The following SYNE1 variants were observed in gnomAD, a reference collection of about 807,000 sequenced individuals.
SYNE1 encodes the protein spectrin repeat containing nuclear envelope protein 1.
In SYNE1, 616 loss-of-function variants were observed where a neutral mutation model predicts 1,111.0. The observed-to-expected ratio is 0.55, with a 90% CI of 0.52 to 0.59. The LOEUF is 0.59. Among genes scored for constraint, SYNE1 ranks in the 20% least tolerant of loss-of-function variants. The pLI is 0.00. For synonymous variants in SYNE1, 3,855 were observed against 3,825.8 expected (o/e 1.01, Z -0.28); for missense variants, 10,006 against 10,417.0 (o/e 0.96, Z 1.72).
chr6:152,398,058 C>T (rs1179100593), intron 49 of SYNE1, among the ~76,000 whole-genome samples: 3 of 151,964 alleles, frequency 2.0e-5, no homozygotes, highest in Admixed American at 6.6e-5. Context: ...GTGCTTTACT[C>T]GGATTAGCTG....
intron 3 of SYNE1, among the ~76,000 whole-genome samples, chr6:152,575,102 G>T (rs140471533): frequency 2.3e-3 from 345 of 152,278 alleles, no homozygotes; most frequent in African/African-American, 7.7e-3. Context: ...ACACATGATG[G>T]TGGTGGGTAC....
Position 152,236,913 on chromosome 6 carries a change from G to T in SYNE1, c.20103C>A (p.Leu6701=), listed in dbSNP as rs1235605116. 5 of 1,614,114 alleles carry T rather than the reference G, an allele frequency of 3.1e-6. No homozygotes were observed. Among genetic ancestry groups the T allele is most frequent in the Non-Finnish European group, 4.2e-6 (5 of 1,180,020 alleles). ...TTTCCACCACCTCCAGCTGTCTGCT[G>T]AGCTCCTGCTGGTCCTCATCCAGAT... ...WSHLDEDQQE[L]SRQLEVVESS... is the part of the protein sequence containing the mutation. The change falls in exon 109 of 146, where the codon CTC becomes CTA. Residue 6701 remains leucine, a synonymous_variant. Transcript: ENST00000367255.
At chr6:152,296,514 C>T (rs1205819750) in intron 93 of SYNE1, among the ~76,000 whole-genome samples, 1 of 152,220 alleles carries the variant, frequency 6.6e-6, no homozygotes, top group South Asian at 2.1e-4. Flanking sequence ...TCTCCTCCCC[C>T]TTAACATCCA....
At chr6:152,559,293 G>A (rs1335580963) in intron 3 of SYNE1, among the ~76,000 whole-genome samples, 1 of 151,712 alleles carries the variant, frequency 6.6e-6, no homozygotes, top group Non-Finnish European at 1.5e-5. Context: ...TAGAGACAGG[G>A]TCTCACTGTG....
At chr6:152,418,494 A>G (rs1004529915) in intron 40 of SYNE1, among the ~76,000 whole-genome samples, 2 of 152,228 alleles carry the variant, frequency 1.3e-5, no homozygotes, top group Admixed American at 1.3e-4. Context: ...AAATGTTGCT[A>G]TATGCGTACT....
rs1275904793 is a variant in SYNE1 at position 152,336,855 on chromosome 6, C to A, written c.12514G>T (p.Val4172Phe). ...TTAATTCCCACCTTAACTTGTGAAA[C>A]CATGTTCTGTGCAATGTTCAGCTCC... ...ELELNIAQNM[V>F]SQVKDFVKKL... The change falls in exon 76 of 146, where the codon GTT becomes TTT. Residue 4172 changes from valine (V) to phenylalanine (F), a missense_variant. Physicochemically the swap from Val to Phe is conservative, Grantham distance 50 (BLOSUM62 -1). Transcript: ENST00000367255. 5.0e-6 allele frequency: 8 copies of A among 1,613,518 alleles called. No homozygotes were observed. In the East Asian group the frequency reaches 1.6e-4, roughly 31 times the overall value.
intron 100 of SYNE1, among the ~76,000 whole-genome samples, chr6:152,265,362 C>T (rs926687086): frequency 1.3e-5 from 2 of 151,958 alleles, no homozygotes; most frequent in Admixed American, 1.3e-4. Flanking sequence ...TATATCTCAA[C>T]ATGCATATAT....
intron 14 of SYNE1, chr6:152,474,778 C>T (rs1259059640): frequency 1.3e-5 from 2 of 152,070 alleles, no homozygotes; most frequent in African/African-American, 2.4e-5. Context: ...TGTTAAATAT[C>T]TAAGGTCAAA....
At chr6:152,338,038 C>G (rs1450629510) in intron 75 of SYNE1, among the ~76,000 whole-genome samples, 1 of 151,790 alleles carries the variant, frequency 6.6e-6, no homozygotes, top group African/African-American at 2.4e-5. Flanking sequence ...GTCCCAGCTA[C>G]TCGGGAGGTT....
In SYNE1 at chr6:152,251,336, A is replaced by G. The variant is rs2089180517; in HGVS notation, c.19471-2074T>C. On this transcript the variant is annotated intron_variant, in intron 104 of 145. Transcript: ENST00000367255. ...GAAACACAGAGTTCATATTTCTGGAAGTCAGACTGATTATTGGGAGAGACT... is the reference window on the plus strand; with the variant it reads ...GAAACACAGAGTTCATATTTCTGGAGGTCAGACTGATTATTGGGAGAGACT... Among the ~76,000 whole-genome samples the G allele has an allele frequency of 2.6e-5, 4 of 152,354 alleles. No individual in the cohort carries two copies. In the South Asian group the frequency reaches 8.3e-4, roughly 32 times the overall value.
Position 152,310,778 on chromosome 6 carries a change from C to A in SYNE1, c.16806G>T (p.Met5602Ile). 3 of 1,614,056 alleles carry A rather than the reference C, an allele frequency of 1.9e-6. No homozygotes were observed. Among genetic ancestry groups the A allele is most frequent in the Non-Finnish European group, 2.5e-6 (3 of 1,180,022 alleles). Residue 5602 changes from methionine (M) to isoleucine (I), a missense_variant, in exon 88 of 146, where the codon ATG (methionine) becomes ATT (isoleucine). By Grantham distance (10) the Met-to-Ile change is conservative. Transcript: ENST00000367255. ...GTCCCAGTTCTGCCACTTGCTGAGA[C>A]ATTTTTTCTGTACAGTACACGCTAG... ...YLTSVYCTEK[M>I]SQQVAELGRE...
intron 140 of SYNE1, among the ~76,000 whole-genome samples, chr6:152,137,640 C>T (rs1342058163): frequency 6.6e-6 from 1 of 152,056 alleles, no homozygotes; most frequent in Non-Finnish European, 1.5e-5. Flanking sequence ...GTTTAAAATC[C>T]CCCAATCCAG....
chr6:152,217,493 G>A (rs923511958), intron 121 of SYNE1, among the ~76,000 whole-genome samples: 7 of 151,944 alleles, frequency 4.6e-5, no homozygotes, highest in Admixed American at 3.9e-4. Flanking sequence ...TTCACACAAT[G>A]TGGAATGATT....
chr6:152,368,509 A>AT (rs1334847901), intron 61 of SYNE1: 1 of 162,384 alleles, frequency 6.2e-6, no homozygotes, highest in Non-Finnish European at 1.4e-5. Context: ...ATTCAGATGA[A>AT]TTTTTTAAAA....
intron 95 of SYNE1, among the ~76,000 whole-genome samples, chr6:152,289,926 T>A (rs1308420136): frequency 5.2e-5 from 1 of 19,272 alleles, no homozygotes; most frequent in Non-Finnish European, 1.3e-4. Context: ...GCGCCCAGCC[T>A]TTTTTTTTTT....
intron 55 of SYNE1, among the ~76,000 whole-genome samples, chr6:152,382,991 G>C (rs983264777): frequency 2.6e-5 from 4 of 152,092 alleles, no homozygotes; most frequent in Admixed American, 2.6e-4. Context: ...TATACATTTT[G>C]CTTTAGAGTT....
At chr6:152,160,977 G>A (rs1305272210) in intron 131 of SYNE1, among the ~76,000 whole-genome samples, 1 of 151,544 alleles carries the variant, frequency 6.6e-6, no homozygotes, top group African/African-American at 2.4e-5. Flanking sequence ...TGTAATGTGT[G>A]TACACATATA....
At chr6:152,277,938 C>A in intron 98 of SYNE1, 151 bp downstream of exon 98, 2 of 878,180 alleles carry the variant, frequency 2.3e-6, no homozygotes, top group Admixed American at 3.4e-5. Context: ...AGAGTGTAAA[C>A]TTAAAGCTGC....
At chr6:152,348,183 T>C (rs2096672310) in intron 72 of SYNE1, among the ~76,000 whole-genome samples, 1 of 152,178 alleles carries the variant, frequency 6.6e-6, no homozygotes, top group Admixed American at 6.5e-5. Context: ...CCAGGAATTA[T>C]ATATAAGCCT....
Sources: allele counts gnomAD v4.1 joint callset (sites outside exome capture counted in the v4.1 genomes callset), GRCh38; gene constraint gnomAD v4.1.1; transcripts MANE v1.5; gene names NCBI Gene and HGNC (gene_info 2026-07-23, HGNC 2026-07-21).